The following OSBPL8 variants were observed in gnomAD, a reference collection of about 807,000 sequenced individuals.
OSBPL8 encodes the protein oxysterol binding protein like 8.
OSBPL8 carries 59 observed loss-of-function variants against 125.5 expected under a neutral mutation model. The observed-to-expected ratio is 0.47, with a 90% CI of 0.38 to 0.58. The LOEUF (loss-of-function observed/expected upper bound fraction) is 0.58, where lower values mean the gene tolerates loss of function less well. Among genes scored for constraint, OSBPL8 ranks in the 20% least tolerant of loss-of-function variants. OSBPL8 has a pLI of 0.00. For missense variants in OSBPL8, 758 were observed against 1,047.8 expected (o/e 0.72, Z 3.82); for synonymous variants, 330 against 338.9 (o/e 0.97, Z 0.29).
At chr12:76,451,136 T>A (rs912935423) in intron 3 of OSBPL8, 148 bp from the exon 4 acceptor site, 3 of 880,826 alleles carry the variant, frequency 3.4e-6, no homozygotes, top group African/African-American at 1.7e-5. Context: ...ATTCTCACAG[T>A]CATCTTGTTT....
intron 5 of OSBPL8, among the ~76,000 whole-genome samples, chr12:76,410,081 G>T (rs1373857734): frequency 6.6e-6 from 1 of 152,110 alleles, no homozygotes; most frequent in South Asian, 2.1e-4. Context: ...CTAAGAATGT[G>T]TCTAAGTATC....
intron 8 of OSBPL8, among the ~76,000 whole-genome samples, chr12:76,397,132 T>A (rs1953840399): frequency 6.6e-6 from 1 of 152,018 alleles, no homozygotes. Flanking sequence ...TGCTTTGCAG[T>A]TATAAAAAAC....
intron 21 of OSBPL8, among the ~76,000 whole-genome samples, chr12:76,362,888 A>G (rs1054014466): frequency 1.3e-5 from 2 of 152,184 alleles, no homozygotes; most frequent in Non-Finnish European, 2.9e-5. Context: ...TTATACACCA[A>G]TAATAGACAG....
intron 1 of OSBPL8, among the ~76,000 whole-genome samples, chr12:76,555,715 G>A (rs1387927182): frequency 1.3e-5 from 2 of 151,888 alleles, no homozygotes; most frequent in African/African-American, 2.4e-5. Context: ...CGATGGAAAC[G>A]ACGCTTGTAT....
At chr12:76,516,967 C>G (rs892772845) in intron 1 of OSBPL8, among the ~76,000 whole-genome samples, 3 of 152,042 alleles carry the variant, frequency 2.0e-5, no homozygotes, top group Non-Finnish European at 4.4e-5. Context: ...CGTTATGTCA[C>G]AGTGCCCAGC....
rs577061069 is a variant in OSBPL8, at chr12:76,351,930, C to T, written c.*3959G>A. 4.5e-4 allele frequency: 69 copies of T among 152,302 alleles called. No individual in the cohort carries two copies. The highest frequency in any genetic ancestry group is 1.6e-3 in the African/African-American group (67 of 41,570). The allele number at this position is 152,302 out of a possible 1,614,324, so 9.4% of individuals were successfully genotyped here. ...GGAATAATAGATTAGAAATGTACTA[C>T]ATTACAAAACAGTGGCCTATAACTA... On this transcript the variant is annotated 3_prime_UTR_variant, in exon 24 of 24. Coordinates refer to ENST00000261183, the MANE Select transcript of OSBPL8 (RefSeq NM_020841.5).
chr12:76,377,837 T>C (rs1039668329), intron 16 of OSBPL8, among the ~76,000 whole-genome samples: 3 of 152,200 alleles, frequency 2.0e-5, no homozygotes, highest in Admixed American at 1.3e-4. Flanking sequence ...TTAACCTCTC[T>C]GTGCTTCATT....
chr12:76,515,786 G>C (rs1881476813), intron 1 of OSBPL8, among the ~76,000 whole-genome samples: 1 of 151,892 alleles, frequency 6.6e-6, no homozygotes, highest in Admixed American at 6.6e-5. Flanking sequence ...TTGTTTCCTT[G>C]ATTAGTCTTG....
At chr12:76,370,506 G>A (rs1273432199) in intron 19 of OSBPL8, among the ~76,000 whole-genome samples, 1 of 152,158 alleles carries the variant, frequency 6.6e-6, no homozygotes, top group Non-Finnish European at 1.5e-5. Flanking sequence ...AGATAGACAT[G>A]AGTCAAGTCC....
chr12:76,394,569 A>G (rs1953712932), intron 9 of OSBPL8, 76 bp downstream of exon 9: 1 of 1,013,990 alleles, frequency 9.9e-7, no homozygotes. Context: ...ATATTTCCCC[A>G]GAATAATACA....
intron 15 of OSBPL8, 43 bp downstream of exon 15, chr12:76,384,211 A>G: frequency 3.4e-6 from 4 of 1,185,478 alleles, no homozygotes; most frequent in Middle Eastern, 2.0e-4. Flanking sequence ...CCAGAAAATA[A>G]TACCTCCCAG....
intron 1 of OSBPL8, among the ~76,000 whole-genome samples, chr12:76,496,475 A>G (rs999059070): frequency 3.9e-5 from 6 of 151,944 alleles, no homozygotes; most frequent in East Asian, 1.9e-4. Context: ...GGTGCAAGCA[A>G]TCTTCTCACC....
At position 76,469,783 on chromosome 12, in the gene OSBPL8, T is replaced by C. The variant is rs1875906986; in HGVS notation, c.43-9888A>G. Among the ~76,000 whole-genome samples, 2 of 152,274 alleles carry C rather than the reference T, an allele frequency of 1.3e-5. 1 individual carries two copies. The highest frequency in any genetic ancestry group is 4.1e-4 in the South Asian group (2 of 4,820). The stretch of plus-strand genomic sequence containing the variant: ...TATATTTTTTCTTTCTCTACTGAAA[T>C]GTTAGCTCCACTGAAGTGGGAATTT... On this transcript the variant is annotated intron_variant, in intron 2 of 23. Coordinates refer to ENST00000261183, the MANE Select transcript of OSBPL8 (RefSeq NM_020841.5).
At chr12:76,364,871 T>A (rs1051745343) in intron 21 of OSBPL8, among the ~76,000 whole-genome samples, 1 of 152,202 alleles carries the variant, frequency 6.6e-6, no homozygotes, top group Non-Finnish European at 1.5e-5. Flanking sequence ...TCCATGTGAA[T>A]TTGAAAATCT....
At chr12:76,496,894 G>C (rs1339225915) in intron 1 of OSBPL8, among the ~76,000 whole-genome samples, 2 of 151,652 alleles carry the variant, frequency 1.3e-5, no homozygotes, top group Non-Finnish European at 1.5e-5. Context: ...TGTTGCTCAG[G>C]CTGGTCTTGA....
intron 4 of OSBPL8, among the ~76,000 whole-genome samples, chr12:76,434,234 C>T (rs1271782067): frequency 6.6e-6 from 1 of 151,984 alleles, no homozygotes; most frequent in Admixed American, 6.6e-5. Flanking sequence ...AACCAGTGTG[C>T]CAAGAACATA....
At chr12:76,509,906 G>A (rs1461360192) in intron 1 of OSBPL8, among the ~76,000 whole-genome samples, 1 of 152,030 alleles carries the variant, frequency 6.6e-6, no homozygotes, top group Non-Finnish European at 1.5e-5. Flanking sequence ...GAAAAGGAGA[G>A]CAAAAAATCT....
intron 1 of OSBPL8, among the ~76,000 whole-genome samples, chr12:76,513,659 C>T (rs1881229168): frequency 6.7e-6 from 1 of 150,304 alleles, no homozygotes; most frequent in Non-Finnish European, 1.5e-5. Flanking sequence ...CGATTGAACC[C>T]TTTACTAGTA....
At position 76,375,383 on chromosome 12, in the gene OSBPL8, G is replaced by C; in HGVS notation, c.1730-13C>G. The C allele has an allele frequency of 1.3e-6, 2 of 1,587,070 alleles. No homozygotes were observed. The highest frequency in any genetic ancestry group is 8.6e-7 in the Non-Finnish European group (1 of 1,157,834). ...CCATAAAGAATTCCTAAAGGAAAAA[G>C]ATTTGACAAAAAATTGAAAAGAGTA... is the stretch of plus-strand genomic sequence containing the variant. On this transcript the variant is annotated splice_polypyrimidine_tract_variant and intron_variant, in intron 16 of 23. Coordinates refer to ENST00000261183, the MANE Select transcript of OSBPL8 (RefSeq NM_020841.5).
Sources: allele counts gnomAD v4.1 joint callset (sites outside exome capture counted in the v4.1 genomes callset), GRCh38; gene constraint gnomAD v4.1.1; transcripts MANE v1.5; gene names NCBI Gene and HGNC (gene_info 2026-07-23, HGNC 2026-07-21).